Variants in ERC2 observed in about 807,000 individuals in gnomAD.
ERC2 encodes the protein ELKS/RAB6-interacting/CAST family member 2, also known as ERC protein 2.
A neutral mutation model predicts 114.8 loss-of-function variants in ERC2; 42 were observed. That is an observed-to-expected ratio of 0.37 (90% CI 0.29 to 0.47). The LOEUF is 0.47. Among genes scored for constraint, ERC2 ranks in the 20% least tolerant of loss-of-function variants. The pLI is 0.99. For missense variants in ERC2, 939 were observed against 1,150.7 expected (o/e 0.82, Z 2.66); for synonymous variants, 454 against 425.5 (o/e 1.07, Z -0.82).
intron 4 of ERC2, among the ~76,000 whole-genome samples, chr3:56,162,142 C>A (rs916397162): frequency 6.6e-6 from 1 of 152,138 alleles, no homozygotes; most frequent in African/African-American, 2.4e-5. Context: ...TTGAGATTAT[C>A]ATATGGTTTT....
intron 2 of ERC2, among the ~76,000 whole-genome samples, chr3:56,305,768 C>T: frequency 6.6e-6 from 1 of 152,256 alleles, no homozygotes; most frequent in East Asian, 1.9e-4. Context: ...GCCTAAGGGC[C>T]AAATCTGGCC....
At chr3:56,443,958 A>ATTTTTTTTTTTTTTTTTTTTTTTT (rs11343406) in intron 1 of ERC2, among the ~76,000 whole-genome samples, 1 of 80,254 alleles carries the variant, frequency 1.2e-5, no homozygotes, top group Non-Finnish European at 2.2e-5. Flanking sequence ...AATACCTACA[A>ATTTTTTTTTTTTTTTTTTTTTTTT]TTTTTTTTTT....
chr3:56,229,127 A>T (rs2050442481), intron 3 of ERC2, among the ~76,000 whole-genome samples: 1 of 152,222 alleles, frequency 6.6e-6, no homozygotes, highest in South Asian at 2.1e-4. Context: ...AGTGCCAGGC[A>T]TTATTCCTAT....
chr3:56,042,651 T>G (rs1332949386), intron 7 of ERC2, among the ~76,000 whole-genome samples: 1 of 152,008 alleles, frequency 6.6e-6, no homozygotes, highest in Non-Finnish European at 1.5e-5. Context: ...AATCAATGTT[T>G]AAAGGTCTAG....
intron 14 of ERC2, among the ~76,000 whole-genome samples, chr3:55,839,514 A>G (rs944539381): frequency 2.6e-5 from 4 of 151,936 alleles, no homozygotes; most frequent in African/African-American, 9.7e-5. Context: ...GTTAATAACA[A>G]AAATTAAAAT....
intron 13 of ERC2, among the ~76,000 whole-genome samples, chr3:55,943,889 CCT>C (rs942372161): frequency 3.3e-5 from 5 of 152,132 alleles, no homozygotes; most frequent in Admixed American, 1.3e-4. Flanking sequence ...GCCCAGCCCT[CCT>C]CTCTCTCTAG....
intron 13 of ERC2, among the ~76,000 whole-genome samples, chr3:55,938,522 A>G (rs190444659): frequency 4.9e-4 from 75 of 152,360 alleles, no homozygotes; most frequent in Non-Finnish European, 8.5e-4. Flanking sequence ...AGTAAAAGGT[A>G]AAGCCGTCAT....
intron 3 of ERC2, among the ~76,000 whole-genome samples, chr3:56,259,260 C>T (rs959691374): frequency 2.5e-4 from 38 of 152,312 alleles, no homozygotes; most frequent in African/African-American, 8.9e-4. Flanking sequence ...GAGTGAGCCA[C>T]TGCCCCCAGC....
intron 17 of ERC2, among the ~76,000 whole-genome samples, chr3:55,627,883 CTTT>C (rs10714648): frequency 1.6e-4 from 13 of 82,564 alleles, no homozygotes; most frequent in African/African-American, 1.5e-4. Context: ...GGACTTGGTG[CTTT>C]TTTTTTTTTT....
chr3:56,118,417 A>G (rs1003225617), intron 6 of ERC2, among the ~76,000 whole-genome samples: 3 of 152,312 alleles, frequency 2.0e-5, no homozygotes, highest in African/African-American at 4.8e-5. Context: ...TAATATTGAT[A>G]TAACATGCAC....
At chr3:55,994,646 C>CT (rs1295864387) in intron 10 of ERC2, among the ~76,000 whole-genome samples, 4 of 20,152 alleles carry the variant, frequency 2.0e-4, no homozygotes, top group Admixed American at 4.3e-4. Flanking sequence ...TACATACTCC[C>CT]TAAAAAAAAA....
intron 15 of ERC2, among the ~76,000 whole-genome samples, chr3:55,728,300 C>G (rs2065043499): frequency 6.6e-6 from 1 of 152,088 alleles, no homozygotes; most frequent in South Asian, 2.1e-4. Context: ...AAAATCATCA[C>G]AAAACAAATG....
At chr3:56,408,548 A>G (rs2060816357) in intron 2 of ERC2, among the ~76,000 whole-genome samples, 1 of 152,124 alleles carries the variant, frequency 6.6e-6, no homozygotes, top group Non-Finnish European at 1.5e-5. Context: ...AATGGTCACA[A>G]TGCCTGGAGA....
chr3:56,106,902 T>C (rs1304492422), intron 6 of ERC2, among the ~76,000 whole-genome samples: 1 of 152,246 alleles, frequency 6.6e-6, no homozygotes, highest in Non-Finnish European at 1.5e-5. Flanking sequence ...TTACTTTGGC[T>C]GCTGGAGGTG....
intron 15 of ERC2, among the ~76,000 whole-genome samples, chr3:55,707,811 A>AC (rs953686390): frequency 3.7e-4 from 57 of 152,350 alleles, no homozygotes; most frequent in Non-Finnish European, 7.2e-4. Flanking sequence ...AGATGCAGAA[A>AC]CCCATGAGAA....
chr3:56,299,092 G>A (rs571685696), intron 2 of ERC2, among the ~76,000 whole-genome samples: 53 of 148,978 alleles, frequency 3.6e-4, no homozygotes, highest in Non-Finnish European at 6.4e-4. Flanking sequence ...TAGATAGGTA[G>A]ATAGTTTTTT....
intron 1 of ERC2, among the ~76,000 whole-genome samples, chr3:56,436,642 C>T (rs1441396575): frequency 6.6e-6 from 1 of 152,176 alleles, no homozygotes; most frequent in African/African-American, 2.4e-5. Flanking sequence ...CCACGCCTGG[C>T]CAACCACCAT....
At chr3:56,121,112 G>A (rs1488109056) in intron 6 of ERC2, among the ~76,000 whole-genome samples, 1 of 152,052 alleles carries the variant, frequency 6.6e-6, no homozygotes, top group African/African-American at 2.4e-5. Flanking sequence ...TTACCTCTAG[G>A]CCTCTGTTTT....
At chr3:55,656,915 A>C (rs1223125598) in intron 17 of ERC2, among the ~76,000 whole-genome samples, 1 of 152,198 alleles carries the variant, frequency 6.6e-6, no homozygotes, top group Non-Finnish European at 1.5e-5. Context: ...CCTCAAAACT[A>C]GGGATGTTGG....
Sources: gnomAD v4.1 joint callset for allele counts (sites outside exome capture counted in the v4.1 genomes callset) on GRCh38, gnomAD v4.1.1 for gene constraint, MANE v1.5 for transcripts, NCBI Gene and HGNC (gene_info 2026-07-23, HGNC 2026-07-21) for gene names.